Variants in CDH13 observed in about 807,000 individuals in gnomAD.
CDH13 encodes cadherin 13.
CDH13 carries 24 observed loss-of-function variants against 63.8 expected under a neutral mutation model. That is an observed-to-expected ratio of 0.38 (90% CI 0.27 to 0.53). The LOEUF is 0.53. CDH13 is among the 20% of genes least tolerant of loss of function. The probability of loss-of-function intolerance (pLI) is 0.85; values close to 1 mark genes in which losing one functional copy is unlikely to be tolerated. For missense variants in CDH13, 1,049 were observed against 903.1 expected, an observed-to-expected ratio of 1.16 and a Z score of -2.07; for synonymous variants, 503 against 355.3, an observed-to-expected ratio of 1.42 and a Z score of -4.67.
At chr16:82,650,172 A>G (rs1035543919) in intron 1 of CDH13, among the ~76,000 whole-genome samples, 5 of 152,222 alleles carry the variant, frequency 3.3e-5, no homozygotes, top group Admixed American at 1.3e-4. Flanking sequence ...AATAGGATGC[A>G]TGGCTTTGTT....
chr16:83,649,757 C>T (rs1284855879), intron 8 of CDH13, among the ~76,000 whole-genome samples: 1 of 152,134 alleles, frequency 6.6e-6, no homozygotes, highest in Non-Finnish European at 1.5e-5. Context: ...CACTCTTCCC[C>T]TGTGGGTCAA....
chr16:83,797,120 C>A lies in CDH13; in HGVS notation c.*2090C>A, dbSNP rs1009196920. ...CCCGGGCGCACCTTGCTCCCCTCTT[C>A]CTGCAAGGCAGGGGGAGAACGTTCA... On this transcript the variant is annotated 3_prime_UTR_variant, in exon 14 of 14. Coordinates refer to ENST00000567109, the MANE Select transcript of CDH13 (RefSeq NM_001257.5). 1.3e-5 allele frequency: 2 copies of A among 152,240 alleles called. No individual in the cohort carries two copies. The highest frequency in any genetic ancestry group is 2.9e-5 in the Non-Finnish European group (2 of 68,050). 9.4% of individuals were successfully genotyped at this position (152,240 alleles called of 1,614,324 possible). A position where few individuals can be genotyped will look rare whatever the true frequency, so the allele number is the denominator to read the frequency against.
chr16:83,191,488 TGC>T (rs1410468451), intron 4 of CDH13, among the ~76,000 whole-genome samples: 25 of 95,548 alleles, frequency 2.6e-4, no homozygotes, highest in African/African-American at 6.2e-4. Flanking sequence ...TATATATATA[TGC>T]ACATATATAT....
chr16:83,331,555 A>G (rs2090480915), intron 5 of CDH13, among the ~76,000 whole-genome samples: 1 of 152,220 alleles, frequency 6.6e-6, no homozygotes, highest in African/African-American at 2.4e-5. Context: ...ATCTTAAAAT[A>G]AAAACCTTAT....
intron 10 of CDH13, among the ~76,000 whole-genome samples, chr16:83,715,685 G>A (rs2150929064): frequency 6.6e-6 from 1 of 152,310 alleles, no homozygotes; most frequent in African/African-American, 2.4e-5. Flanking sequence ...GGGGAGCCCT[G>A]GTGGACAGTC....
intron 4 of CDH13, among the ~76,000 whole-genome samples, chr16:83,149,164 T>C (rs2151690943): frequency 6.6e-6 from 1 of 152,354 alleles, no homozygotes; most frequent in Non-Finnish European, 1.5e-5. Flanking sequence ...TTCCTCTCTA[T>C]ATTGAAATAT....
intron 8 of CDH13, among the ~76,000 whole-genome samples, chr16:83,633,978 C>A (rs887424444): frequency 6.6e-6 from 1 of 152,176 alleles, no homozygotes; most frequent in East Asian, 1.9e-4. Context: ...GCCAGAAGCA[C>A]CTTGAACCCT....
At chr16:82,698,560 G>T (rs571247208) in intron 1 of CDH13, among the ~76,000 whole-genome samples, 1 of 152,282 alleles carries the variant, frequency 6.6e-6, no homozygotes, top group South Asian at 2.1e-4. Flanking sequence ...TTCCCATATT[G>T]TAGCAGTGTA....
rs535112847 is a variant in CDH13 at position 82,998,987 on chromosome 16, T to TA, written c.158-33021dup. Reference sequence around the variant, plus strand: ...TCCTTACGCACATGAATATTTATCTTAATCAAGTTTCTCCTCCCAAGAACA... The same window carrying TA: ...TCCTTACGCACATGAATATTTATCTTAAATCAAGTTTCTCCTCCCAAGAACA... On this transcript the variant is annotated intron_variant, in intron 2 of 13. Transcript: ENST00000567109. 1.8e-3 allele frequency among the ~76,000 whole-genome samples: 268 copies of TA among 152,178 alleles called. 2 individuals are homozygous for TA. Among genetic ancestry groups the TA allele is most frequent in the African/African-American group, 6.0e-3 (251 of 41,526 alleles).
At chr16:83,090,936 G>A (rs56399809) in intron 3 of CDH13, among the ~76,000 whole-genome samples, 21,575 of 151,278 alleles carry the variant, frequency 0.14, 1,898 homozygotes, top group African/African-American at 0.25. Context: ...ATACTGTGTG[G>A]ATATTCTTTT....
intron 1 of CDH13, among the ~76,000 whole-genome samples, chr16:82,830,355 T>G (rs2038479112): frequency 6.6e-6 from 1 of 152,198 alleles, no homozygotes; most frequent in Non-Finnish European, 1.5e-5. Flanking sequence ...GACTCTTGAG[T>G]AGGGATTACA....
chr16:83,462,713 G>A (rs1261742625), intron 6 of CDH13, among the ~76,000 whole-genome samples: 1 of 152,174 alleles, frequency 6.6e-6, no homozygotes, highest in Non-Finnish European at 1.5e-5. Flanking sequence ...TCAAGATCAT[G>A]CCACTGCACT....
chr16:83,130,985 T>A (rs2036019254), intron 4 of CDH13, among the ~76,000 whole-genome samples: 1 of 152,160 alleles, frequency 6.6e-6, no homozygotes, highest in African/African-American at 2.4e-5. Context: ...TTCAGGCAGC[T>A]CCAGGGATGA....
chr16:82,690,537 C>A (rs1327288000), intron 1 of CDH13, among the ~76,000 whole-genome samples: 1 of 152,104 alleles, frequency 6.6e-6, no homozygotes, highest in African/African-American at 2.4e-5. Context: ...ATAGAAAATA[C>A]ACAGGGCCCT....
intron 6 of CDH13, among the ~76,000 whole-genome samples, chr16:83,404,955 G>A (rs2092020206): frequency 6.6e-6 from 1 of 152,154 alleles, no homozygotes; most frequent in East Asian, 1.9e-4. Context: ...ACATAGAAAT[G>A]TCTAAAGCAG....
At chr16:82,936,452 G>A (rs1223049905) in intron 2 of CDH13, among the ~76,000 whole-genome samples, 1 of 151,874 alleles carries the variant, frequency 6.6e-6, no homozygotes, top group African/African-American at 2.4e-5. Context: ...GTTTCAACCC[G>A]AATCCACCCC....
intron 7 of CDH13, among the ~76,000 whole-genome samples, chr16:83,498,427 T>G (rs2151581477): frequency 6.6e-6 from 1 of 152,304 alleles, no homozygotes; most frequent in East Asian, 1.9e-4. Context: ...TTCCTGAAGG[T>G]TTCTTCCACC....
intron 1 of CDH13, among the ~76,000 whole-genome samples, chr16:82,792,622 G>A (rs771120271): frequency 5.9e-5 from 9 of 152,084 alleles, no homozygotes; most frequent in Non-Finnish European, 1.2e-4. Flanking sequence ...CCCCAACTCT[G>A]AGGACAAAGC....
At chr16:83,094,199 C>A (rs1425949463) in intron 3 of CDH13, among the ~76,000 whole-genome samples, 3 of 152,166 alleles carry the variant, frequency 2.0e-5, no homozygotes, top group Non-Finnish European at 4.4e-5. Context: ...GCAAGGCCAA[C>A]AACGCCTGGT....
Sources: gnomAD v4.1 joint callset for allele counts (sites outside exome capture counted in the v4.1 genomes callset) on GRCh38, gnomAD v4.1.1 for gene constraint, MANE v1.5 for transcripts, NCBI Gene and HGNC (gene_info 2026-07-23, HGNC 2026-07-21) for gene names.